The following CNTNAP2 variants were observed in gnomAD, a reference collection of about 807,000 sequenced individuals.
The protein encoded by CNTNAP2 is contactin associated protein 2.
Under a neutral mutation model 155.2 loss-of-function variants are expected in CNTNAP2, and 98 were observed. The observed-to-expected ratio is 0.63, with a 90% CI of 0.54 to 0.75. The LOEUF (loss-of-function observed/expected upper bound fraction) is 0.75. Ranked by LOEUF, CNTNAP2 falls within the 30% of genes least tolerant of loss-of-function variation. The pLI, the probability that CNTNAP2 is intolerant of heterozygous loss-of-function variation, is 0.00. For missense variants in CNTNAP2, 1,727 were observed against 1,688.1 expected (o/e 1.02, Z -0.40); for synonymous variants, 651 against 631.2 (o/e 1.03, Z -0.47).
At chr7:146,353,703 A>G (rs765472208) in intron 1 of CNTNAP2, among the ~76,000 whole-genome samples, 7 of 152,108 alleles carry the variant, frequency 4.6e-5, no homozygotes, top group Admixed American at 6.6e-5. Flanking sequence ...CCTGGAAAGT[A>G]TGTTATATAT....
chr7:146,566,708 TAA>T (rs1460725711), intron 1 of CNTNAP2, among the ~76,000 whole-genome samples: 3 of 151,366 alleles, frequency 2.0e-5, no homozygotes, highest in Non-Finnish European at 4.4e-5. Context: ...AAAATAAAAA[TAA>T]AAATAAAAAT....
chr7:148,396,782 T>C (rs1226641765), intron 22 of CNTNAP2, among the ~76,000 whole-genome samples: 2 of 152,248 alleles, frequency 1.3e-5, no homozygotes, highest in East Asian at 3.8e-4. Context: ...TTCCTAATTC[T>C]GCTGTTGAGT....
intron 2 of CNTNAP2, among the ~76,000 whole-genome samples, chr7:146,819,254 G>A (rs546548890): frequency 6.6e-6 from 1 of 152,254 alleles, no homozygotes; most frequent in Non-Finnish European, 1.5e-5. Flanking sequence ...CCTCATTTAA[G>A]GGAAGTGATG....
intron 1 of CNTNAP2, among the ~76,000 whole-genome samples, chr7:146,507,493 G>A (rs1398409656): frequency 6.6e-6 from 1 of 152,158 alleles, no homozygotes; most frequent in African/African-American, 2.4e-5. Context: ...TGATACAATG[G>A]TTTTGTTTTC....
intron 3 of CNTNAP2, among the ~76,000 whole-genome samples, chr7:146,928,758 TAAA>T (rs1202565975): frequency 2.6e-5 from 4 of 152,102 alleles, no homozygotes; most frequent in Non-Finnish European, 1.5e-5. Flanking sequence ...CCGACAGGCT[TAAA>T]AAGCGGTGCA....
chr7:146,904,260 G>A (rs1796069020), intron 3 of CNTNAP2, among the ~76,000 whole-genome samples: 1 of 152,022 alleles, frequency 6.6e-6, no homozygotes, highest in Non-Finnish European at 1.5e-5. Flanking sequence ...ATTTGCTGTT[G>A]CTTCTCCTTG....
At chr7:146,755,906 C>A (rs185987157) in intron 1 of CNTNAP2, among the ~76,000 whole-genome samples, 1 of 151,812 alleles carries the variant, frequency 6.6e-6, no homozygotes, top group Admixed American at 6.6e-5. Context: ...TTTGCCATAT[C>A]GTTGTCCATT....
intron 8 of CNTNAP2, among the ~76,000 whole-genome samples, chr7:147,246,056 C>CACATATATAGGGCATATATATATAT (rs1804055313): frequency 7.5e-6 from 1 of 133,500 alleles, no homozygotes; most frequent in African/African-American, 3.1e-5. Flanking sequence ...TATATATATA[C>CACATATATAGGGCATATATATATAT]ACATATATAT....
rs1465241539 is a variant in CNTNAP2 at position 146,727,152 on chromosome 7, T to C, written c.98-47119T>C. ...TAAACCAGTATCAGCAGTTTTCAGG[T>C]AATCAATAAAATAAATACGAGATAT... is the stretch of plus-strand genomic sequence containing the variant. On this transcript the variant is annotated intron_variant, in intron 1 of 23. Transcript: ENST00000361727. Among the ~76,000 whole-genome samples the C allele has an allele frequency of 3.2e-4, 49 of 152,208 alleles. 1 individual carries two copies. The highest frequency in any genetic ancestry group is 2.8e-4 in the Non-Finnish European group (19 of 68,006).
intron 1 of CNTNAP2, among the ~76,000 whole-genome samples, chr7:146,674,512 TAAAA>T (rs61430734): frequency 6.7e-6 from 1 of 150,028 alleles, no homozygotes; most frequent in Admixed American, 6.7e-5. Flanking sequence ...AAAAAAAAAT[TAAAA>T]AAAAAAGCAT....
intron 1 of CNTNAP2, among the ~76,000 whole-genome samples, chr7:146,141,514 C>A (rs1285217745): frequency 6.6e-6 from 1 of 152,004 alleles, no homozygotes; most frequent in Admixed American, 6.6e-5. Flanking sequence ...TTTTCATTTT[C>A]TTTAACATTT....
intron 1 of CNTNAP2, among the ~76,000 whole-genome samples, chr7:146,161,771 G>A (rs1317484622): frequency 6.6e-6 from 1 of 152,094 alleles, no homozygotes; most frequent in Non-Finnish European, 1.5e-5. Context: ...ATACTGCAAG[G>A]CTACAGTAAC....
intron 21 of CNTNAP2, among the ~76,000 whole-genome samples, chr7:148,292,915 G>A (rs1797213145): frequency 6.6e-6 from 1 of 152,038 alleles, no homozygotes. Context: ...GGCCTGACAA[G>A]TAGCAGATGG....
intron 22 of CNTNAP2, among the ~76,000 whole-genome samples, chr7:148,406,203 A>G (rs1014378425): frequency 1.8e-4 from 27 of 150,750 alleles, no homozygotes; most frequent in African/African-American, 2.7e-4. Flanking sequence ...CTGCACTCCA[A>G]CCTGGGGGAC....
intron 18 of CNTNAP2, among the ~76,000 whole-genome samples, chr7:148,182,879 A>G (rs1253461208): frequency 6.6e-6 from 1 of 152,192 alleles, no homozygotes; most frequent in African/African-American, 2.4e-5. Context: ...CTTCCAAGGG[A>G]TATGTTTACT....
At chr7:146,427,548 A>C (rs757552928) in intron 1 of CNTNAP2, among the ~76,000 whole-genome samples, 3 of 152,188 alleles carry the variant, frequency 2.0e-5, no homozygotes, top group Non-Finnish European at 4.4e-5. Context: ...CTAGAAATCT[A>C]GCCATTGAAC....
intron 1 of CNTNAP2, among the ~76,000 whole-genome samples, chr7:146,520,339 T>A (rs1476403828): frequency 2.0e-5 from 3 of 146,862 alleles, no homozygotes; most frequent in East Asian, 4.0e-4. Context: ...TATATATATC[T>A]TGAGATAATA....
At chr7:146,352,468 T>C (rs1794928992) in intron 1 of CNTNAP2, among the ~76,000 whole-genome samples, 1 of 152,098 alleles carries the variant, frequency 6.6e-6, no homozygotes, top group African/African-American at 2.4e-5. Flanking sequence ...TGATATTAGA[T>C]TTGAATTTTT....
At chr7:147,879,884 T>C (rs960628676) in intron 13 of CNTNAP2, among the ~76,000 whole-genome samples, 1 of 152,216 alleles carries the variant, frequency 6.6e-6, no homozygotes, top group African/African-American at 2.4e-5. Context: ...TCCCCATTAC[T>C]ACACATAGAT....
Sources: gnomAD v4.1 joint callset for allele counts (sites outside exome capture counted in the v4.1 genomes callset) on GRCh38, gnomAD v4.1.1 for gene constraint, MANE v1.5 for transcripts, NCBI Gene and HGNC (gene_info 2026-07-23, HGNC 2026-07-21) for gene names.